The following DCDC1 variants were observed in gnomAD, a reference collection of about 807,000 sequenced individuals.
DCDC1 encodes the protein doublecortin domain-containing protein 1.
Under a neutral mutation model 178.3 loss-of-function variants are expected in DCDC1, and 200 were observed. That is an observed-to-expected ratio of 1.12 (90% CI 1.00 to 1.26). The LOEUF is 1.26. Among genes scored for constraint, DCDC1 ranks in the 50% most tolerant of loss-of-function variants. The pLI is 0.00. For synonymous variants in DCDC1, 690 were observed against 604.8 expected (o/e 1.14, Z -2.07); for missense variants, 1,983 against 1,749.2 (o/e 1.13, Z -2.38).
At chr11:30,926,052 G>A (rs1317521716) in intron 22 of DCDC1, among the ~76,000 whole-genome samples, 1 of 152,158 alleles carries the variant, frequency 6.6e-6, no homozygotes, top group Non-Finnish European at 1.5e-5. Flanking sequence ...AGTTCCCTGA[G>A]GAGCTCCGAG....
chr11:31,339,976 T>C (rs1950460008), intron 1 of DCDC1, among the ~76,000 whole-genome samples: 1 of 152,158 alleles, frequency 6.6e-6, no homozygotes, highest in African/African-American at 2.4e-5. Context: ...ACCAAAGATT[T>C]ACTCTTTGAT....
chr11:31,290,617 T>A, intron 7 of DCDC1, 30 bp downstream of exon 7: 1 of 1,565,706 alleles, frequency 6.4e-7, no homozygotes, highest in South Asian at 1.2e-5. Flanking sequence ...TGAAATTAAA[T>A]TCATAGTTCA....
intron 17 of DCDC1, among the ~76,000 whole-genome samples, chr11:31,090,256 A>G (rs1287047464): frequency 6.6e-6 from 1 of 152,134 alleles, no homozygotes; most frequent in East Asian, 1.9e-4. Context: ...CTGCTCATCC[A>G]CTAAGGTATC....
At chr11:31,224,829 G>C (rs1425110959) in intron 9 of DCDC1, among the ~76,000 whole-genome samples, 1 of 152,054 alleles carries the variant, frequency 6.6e-6, no homozygotes, top group African/African-American at 2.4e-5. Context: ...ACTCCTGCAA[G>C]AATGGCCATA....
intron 9 of DCDC1, among the ~76,000 whole-genome samples, chr11:31,226,057 AC>A (rs1474903071): frequency 6.6e-6 from 1 of 152,088 alleles, no homozygotes; most frequent in Non-Finnish European, 1.5e-5. Context: ...TTAAGGAACC[AC>A]GCTGAGGAAT....
chr11:30,924,249 G>C (rs1216183143), intron 23 of DCDC1, among the ~76,000 whole-genome samples: 2 of 152,128 alleles, frequency 1.3e-5, no homozygotes, highest in South Asian at 2.1e-4. Flanking sequence ...AAAACACTTG[G>C]AGAGATGGCA....
At chr11:30,987,590 T>C (rs760047501) in intron 20 of DCDC1, among the ~76,000 whole-genome samples, 3 of 152,034 alleles carry the variant, frequency 2.0e-5, no homozygotes, top group South Asian at 2.1e-4. Flanking sequence ...ACCTCTCTTA[T>C]AGGGCTATAT....
intron 34 of DCDC1, among the ~76,000 whole-genome samples, chr11:30,896,783 T>C (rs555129006): frequency 1.3e-4 from 20 of 152,240 alleles, no homozygotes; most frequent in Admixed American, 2.6e-4. Flanking sequence ...TAGTAAAGAT[T>C]TGACATTTGT....
In DCDC1 at chr11:31,335,531, T is replaced by G. The variant is rs1432451396; in HGVS notation, c.-91A>C. On this transcript the variant is annotated 5_prime_UTR_variant, in exon 2 of 39. Transcript: ENST00000684477. Reference sequence around the variant, plus strand: ...CTGGAGCTGTTCCTATTTGGCCATCTTGGAATGGAATCTGGAATTTTCTTA... The same window carrying G: ...CTGGAGCTGTTCCTATTTGGCCATCGTGGAATGGAATCTGGAATTTTCTTA... The G allele has an allele frequency of 2.0e-5, 3 of 152,386 alleles. No individual in the cohort carries two copies. The highest frequency in any genetic ancestry group is 6.5e-5 in the Admixed American group (1 of 15,302). 9.4% of individuals were successfully genotyped at this position (152,386 alleles called of 1,614,324 possible).
At chr11:31,251,669 C>T (rs1944045829) in intron 8 of DCDC1, among the ~76,000 whole-genome samples, 1 of 151,312 alleles carries the variant, frequency 6.6e-6, no homozygotes, top group Admixed American at 6.6e-5. Context: ...TATGGATAAC[C>T]CTAAGAAATA....
intron 20 of DCDC1, among the ~76,000 whole-genome samples, chr11:30,955,646 G>A (rs72882634): frequency 0.017 from 2,577 of 152,116 alleles, 27 homozygotes; most frequent in Non-Finnish European, 0.027. Flanking sequence ...TTAAGTATCC[G>A]TATTCCAATA....
At chr11:30,905,613 A>C (rs1044139397) in intron 30 of DCDC1, among the ~76,000 whole-genome samples, 2 of 152,116 alleles carry the variant, frequency 1.3e-5, no homozygotes, top group African/African-American at 4.8e-5. Flanking sequence ...AGGGTGGTGA[A>C]CACCACTCTT....
At position 31,064,412 on chromosome 11, in the gene DCDC1, T is replaced by C. The variant is rs1956136239; in HGVS notation, c.2591+57A>G. ...TCAAGAAATCAATCTTACATGAAAC[T>C]GAAGGAAAATATCGAATGTCATTGA... On this transcript the variant is annotated intron_variant, in intron 20 of 38. Coordinates refer to ENST00000684477, the MANE Select transcript of DCDC1 (RefSeq NM_001387274.1). 5 of 673,310 alleles carry C rather than the reference T, an allele frequency of 7.4e-6. No individual in the cohort carries two copies. In the South Asian group the frequency reaches 8.7e-5, roughly 12 times the overall value. The allele number at this position is 673,310 out of a possible 1,614,324, so 41.7% of individuals were successfully genotyped here.
intron 20 of DCDC1, among the ~76,000 whole-genome samples, chr11:31,011,264 T>C (rs1952151234): frequency 6.6e-6 from 1 of 152,160 alleles, no homozygotes; most frequent in Non-Finnish European, 1.5e-5. Flanking sequence ...TTCAAAGTAT[T>C]TAAAAGACAT....
chr11:31,265,517 A>T lies in DCDC1; in HGVS notation c.1044T>A (p.Asp348Glu). 7.0e-7 allele frequency: 1 copy of T among 1,425,038 alleles called. No homozygotes were observed. The highest frequency in any genetic ancestry group is 9.3e-7 in the Non-Finnish European group (1 of 1,077,668). The allele number at this position is 1,425,038 out of a possible 1,614,324, so 88.3% of individuals were successfully genotyped here. ...ATCTTTGCCACTTACCTTTTGAAAT[A>T]TCTTCAATTTTTCTGCCATACAAAT... ...FYDLYGRKIE[D>E]ISKVPLLEKC... The change falls in exon 8 of 39, where the codon GAT becomes GAA. Residue 348 changes from aspartate to glutamate, a missense_variant. By Grantham distance (45) the Asp-to-Glu change is conservative. Coordinates refer to ENST00000684477, the MANE Select transcript of DCDC1 (RefSeq NM_001387274.1).
At position 31,096,310 on chromosome 11, in the gene DCDC1, A is replaced by G. The variant is rs146844335; in HGVS notation, c.1984-2126T>C. The stretch of plus-strand genomic sequence containing the variant: ...ATGATAAACTACATTGTACTAATCC[A>G]TTTGCCACAGGACTCAGCATTTAAA... On this transcript the variant is annotated intron_variant, in intron 15 of 38. Transcript: ENST00000684477. Among the ~76,000 whole-genome samples, 255 of 152,322 alleles carry G rather than the reference A, an allele frequency of 1.7e-3. 1 individual carries two copies. Among genetic ancestry groups the G allele is most frequent in the Non-Finnish European group, 3.0e-3 (204 of 68,042 alleles).
chr11:31,213,897 A>G (rs1313452766), intron 9 of DCDC1, among the ~76,000 whole-genome samples: 1 of 152,078 alleles, frequency 6.6e-6, no homozygotes, highest in Non-Finnish European at 1.5e-5. Flanking sequence ...TATATTGTTG[A>G]GTGTGTACAC....
chr11:31,280,303 T>C (rs1480676449), intron 7 of DCDC1, among the ~76,000 whole-genome samples: 1 of 152,192 alleles, frequency 6.6e-6, no homozygotes, highest in Non-Finnish European at 1.5e-5. Context: ...ATTTCCCCAG[T>C]ATTTAAATAT....
intron 20 of DCDC1, among the ~76,000 whole-genome samples, chr11:31,050,350 C>A (rs1367183243): frequency 1.3e-5 from 2 of 152,166 alleles, no homozygotes; most frequent in African/African-American, 2.4e-5. Context: ...TGCAGCAAGA[C>A]CTGCCCAAGG....
Sources: gnomAD v4.1 joint callset for allele counts (sites outside exome capture counted in the v4.1 genomes callset) on GRCh38, gnomAD v4.1.1 for gene constraint, MANE v1.5 for transcripts, NCBI Gene and HGNC (gene_info 2026-07-23, HGNC 2026-07-21) for gene names.